Variants in PDZD2 observed in about 807,000 individuals in gnomAD.
PDZD2 encodes PDZ domain-containing protein 2.
A neutral mutation model predicts 220.7 loss-of-function variants in PDZD2; 90 were observed. The ratio of observed to expected loss-of-function variants is 0.41; its 90% CI spans 0.34 to 0.49. The LOEUF is 0.49. PDZD2 is among the 20% of genes least tolerant of loss of function. The pLI is 0.28. For synonymous variants in PDZD2, 1,375 were observed against 1,450.5 expected (o/e 0.95, Z 1.18); for missense variants, 3,174 against 3,608.5 (o/e 0.88, Z 3.08).
intron 1 of PDZD2, among the ~76,000 whole-genome samples, chr5:31,781,540 G>A (rs34884728): frequency 0.22 from 33,246 of 152,086 alleles, 4,635 homozygotes; most frequent in Non-Finnish European, 0.3. Flanking sequence ...AGAAGTGGTC[G>A]CCAACTCTAT....
At chr5:31,948,014 A>AT (rs1746808219) in intron 2 of PDZD2, among the ~76,000 whole-genome samples, 1 of 152,132 alleles carries the variant, frequency 6.6e-6, no homozygotes, top group African/African-American at 2.4e-5. Context: ...ATCTCCAGAG[A>AT]TTTTACATGT....
At chr5:31,897,077 GTT>G (rs796616414) in intron 2 of PDZD2, among the ~76,000 whole-genome samples, 1 of 147,198 alleles carries the variant, frequency 6.8e-6, no homozygotes. Flanking sequence ...GATCTGGTGA[GTT>G]TTTTTTTTTC....
chr5:31,776,525 C>T (rs1752664935), intron 1 of PDZD2, among the ~76,000 whole-genome samples: 1 of 150,852 alleles, frequency 6.6e-6, no homozygotes, highest in East Asian at 1.9e-4. Context: ...CTTATGTTGG[C>T]CAGGCTGGTC....
At chr5:31,649,578 C>T (rs1378118477) in intron 1 of PDZD2, among the ~76,000 whole-genome samples, 6 of 151,998 alleles carry the variant, frequency 3.9e-5, no homozygotes, top group Non-Finnish European at 8.8e-5. Flanking sequence ...TTGTGTATCT[C>T]ACATGCTGAA....
intron 1 of PDZD2, among the ~76,000 whole-genome samples, chr5:31,714,809 AG>A (rs1748340549): frequency 6.6e-6 from 1 of 152,144 alleles, no homozygotes; most frequent in Non-Finnish European, 1.5e-5. Flanking sequence ...CTGTAATCCT[AG>A]TACTTTGGGA....
intron 1 of PDZD2, among the ~76,000 whole-genome samples, chr5:31,726,928 C>T (rs951341124): frequency 1.3e-5 from 2 of 152,236 alleles, no homozygotes; most frequent in African/African-American, 4.8e-5. Flanking sequence ...CCAACATCTG[C>T]TCAGCTTCTG....
intron 1 of PDZD2, among the ~76,000 whole-genome samples, chr5:31,756,711 C>G (rs1030173892): frequency 6.6e-6 from 1 of 152,176 alleles, no homozygotes; most frequent in South Asian, 2.1e-4. Context: ...ATGGTCTGGG[C>G]GACACTGTGC....
chr5:32,105,890 G>C (rs920643532), intron 24 of PDZD2, among the ~76,000 whole-genome samples: 1 of 152,176 alleles, frequency 6.6e-6, no homozygotes, highest in African/African-American at 2.4e-5. Flanking sequence ...TTTCTCTCTT[G>C]TGTAAAAAGT....
intron 2 of PDZD2, among the ~76,000 whole-genome samples, chr5:31,887,972 A>G (rs1740670800): frequency 6.6e-6 from 1 of 152,038 alleles, no homozygotes; most frequent in Non-Finnish European, 1.5e-5. Context: ...TTAACTTCCA[A>G]CATACGATGG....
intron 1 of PDZD2, among the ~76,000 whole-genome samples, chr5:31,716,701 C>G (rs7735303): frequency 0.49 from 74,784 of 151,830 alleles, 18,484 homozygotes; most frequent in East Asian, 0.55. Context: ...TACTCGGGAG[C>G]CTGAGGCAGG....
Position 32,019,163 on chromosome 5 carries a change from A to T in PDZD2, c.1407+8681A>T, listed in dbSNP as rs543506248. Among the ~76,000 whole-genome samples the T allele has an allele frequency of 7.0e-5, 8 of 114,484 alleles. No homozygotes were observed. In the South Asian group the frequency reaches 2.4e-3, roughly 35 times the overall value. The allele number at this position is 114,484 out of a possible 152,430, so 75.1% of individuals were successfully genotyped here. ...GCTTTTTTTTTTTTTTTTTTTTGAG[A>T]CAGGGTCTCACTCTGTTGCCCAGTC... On this transcript the variant is annotated intron_variant, in intron 6 of 24. Transcript: ENST00000438447.
intron 2 of PDZD2, among the ~76,000 whole-genome samples, chr5:31,889,747 A>T (rs959757930): frequency 1.3e-5 from 2 of 151,952 alleles, no homozygotes; most frequent in Non-Finnish European, 2.9e-5. Context: ...GGCCGGGTGC[A>T]GTGGCTCACG....
chr5:31,791,420 G>A (rs982894633), intron 1 of PDZD2, among the ~76,000 whole-genome samples: 2 of 151,732 alleles, frequency 1.3e-5, no homozygotes, highest in Admixed American at 6.6e-5. Flanking sequence ...GAGAAACCCC[G>A]CCTCTACTAA....
At chr5:31,942,973 C>T (rs1053171454) in intron 2 of PDZD2, among the ~76,000 whole-genome samples, 4 of 152,156 alleles carry the variant, frequency 2.6e-5, no homozygotes, top group Admixed American at 6.5e-5. Context: ...GAGCCCAAGG[C>T]GGGTGGATCA....
intron 5 of PDZD2, among the ~76,000 whole-genome samples, chr5:32,003,237 TTCACA>T (rs201369236): frequency 2.9e-4 from 1 of 3,416 alleles, no homozygotes; most frequent in African/African-American, 4.4e-4. Context: ...AACATATACC[TTCACA>T]CACACACCAC....
intron 1 of PDZD2, among the ~76,000 whole-genome samples, chr5:31,685,288 TAA>T (rs200399727): frequency 6.7e-6 from 1 of 150,050 alleles, no homozygotes; most frequent in Admixed American, 6.7e-5. Context: ...TAATTTGAAG[TAA>T]AAAAAAAATC....
intron 1 of PDZD2, among the ~76,000 whole-genome samples, chr5:31,713,628 T>C (rs890655878): frequency 6.6e-6 from 1 of 152,160 alleles, no homozygotes; most frequent in African/African-American, 2.4e-5. Flanking sequence ...TTAGTTCCTG[T>C]GGGAGCTGAT....
intron 3 of PDZD2, among the ~76,000 whole-genome samples, chr5:31,985,766 TAATAA>T (rs1348801040): frequency 2.0e-5 from 3 of 151,876 alleles, no homozygotes; most frequent in Non-Finnish European, 2.9e-5. Flanking sequence ...ATAATACTAT[TAATAA>T]TAAATTTAAT....
intron 6 of PDZD2, among the ~76,000 whole-genome samples, chr5:32,033,347 T>C (rs1315543225): frequency 6.6e-6 from 1 of 152,210 alleles, no homozygotes; most frequent in Non-Finnish European, 1.5e-5. Flanking sequence ...TAATCTGGAA[T>C]GAATGTGTCT....
Sources: allele counts gnomAD v4.1 joint callset (sites outside exome capture counted in the v4.1 genomes callset), GRCh38; gene constraint gnomAD v4.1.1; transcripts MANE v1.5; gene names NCBI Gene and HGNC (gene_info 2026-07-23, HGNC 2026-07-21).